The following LRBA variants were observed in gnomAD, a reference collection of about 807,000 sequenced individuals.
LRBA encodes the protein lipopolysaccharide-responsive and beige-like anchor protein.
Under a neutral mutation model 330.0 loss-of-function variants are expected in LRBA, and 176 were observed. The ratio of observed to expected loss-of-function variants is 0.53; its 90% confidence interval spans 0.47 to 0.60. The LOEUF (loss-of-function observed/expected upper bound fraction) is 0.60. Ranked by LOEUF, LRBA falls within the 20% of genes least tolerant of loss-of-function variation. The pLI is 0.00. For missense variants in LRBA, 3,259 were observed against 3,444.8 expected, an observed-to-expected ratio of 0.95 and a Z score of 1.35; for synonymous variants, 1,230 against 1,193.0, an observed-to-expected ratio of 1.03 and a Z score of -0.64.
chr4:150,468,431 C>T (rs1290159233), intron 43 of LRBA, among the ~76,000 whole-genome samples: 2 of 152,030 alleles, frequency 1.3e-5, no homozygotes, highest in Non-Finnish European at 2.9e-5. Context: ...TTTCTAATGA[C>T]ATTTTCAATG....
chr4:150,848,941 A>G lies in LRBA; in HGVS notation c.4216T>C (p.Phe1406Leu). The G allele has an allele frequency of 6.2e-7, 1 of 1,612,068 alleles. No individual in the cohort carries two copies. Among genetic ancestry groups the G allele is most frequent in the South Asian group, 1.1e-5 (1 of 90,772 alleles). ...ACAAGGCTAATTAGCCTCTGCAAAA[A>G]TGTCACAGAGGCTTCTATTGAAAGG... The part of the protein sequence containing the change: ...QGLSIEASVT[F>L]LQRLISLVDV... Residue 1406 changes from phenylalanine (F) to leucine (L), a missense_variant, in exon 26 of 57, where the codon TTT becomes CTT. Coordinates refer to ENST00000651943, the MANE Select transcript of LRBA (RefSeq NM_001364905.1).
At chr4:150,307,529 G>A (rs1580966797) in intron 52 of LRBA, among the ~76,000 whole-genome samples, 1 of 151,628 alleles carries the variant, frequency 6.6e-6, no homozygotes, top group East Asian at 1.9e-4. Context: ...AGACCACCCT[G>A]GACAACAGAG....
Position 150,852,033 on chromosome 4 carries a change from T to G in LRBA, c.3677A>C (p.Asn1226Thr). ...TNLTRETKLI[N>T]DCHGSVSEAS... ...CTCAGAGACACTACCATGACAATCA[T>G]TAATTAATTTGGTTTCTCTAGTGAG... Residue 1226 changes from asparagine to threonine, a missense_variant, in exon 23 of 57, where the codon AAT becomes ACT. Asn to Thr is a moderately conservative substitution (Grantham distance 65). Coordinates refer to ENST00000651943, the MANE Select transcript of LRBA (RefSeq NM_001364905.1). The G allele has an allele frequency of 6.2e-7, 1 of 1,614,132 alleles. No homozygotes were observed. The highest frequency in any genetic ancestry group is 8.5e-7 in the Non-Finnish European group (1 of 1,179,964).
chr4:150,712,886 C>T (rs1786369682), intron 36 of LRBA, among the ~76,000 whole-genome samples: 1 of 152,126 alleles, frequency 6.6e-6, no homozygotes, highest in South Asian at 2.1e-4. Context: ...CAAAAACACA[C>T]AGAAACATTA....
chr4:150,557,378 C>T (rs1304374694), intron 40 of LRBA, among the ~76,000 whole-genome samples: 4 of 151,884 alleles, frequency 2.6e-5, no homozygotes, highest in South Asian at 2.1e-4. Flanking sequence ...GAAGAAGACG[C>T]GATATGGGAA....
At chr4:150,970,211 T>G (rs1307474882) in intron 2 of LRBA, among the ~76,000 whole-genome samples, 1 of 151,956 alleles carries the variant, frequency 6.6e-6, no homozygotes, top group Non-Finnish European at 1.5e-5. Context: ...CTTAACAGAC[T>G]AAAGTAGGCT....
intron 36 of LRBA, among the ~76,000 whole-genome samples, chr4:150,710,467 A>C (rs916008098): frequency 6.6e-6 from 1 of 152,094 alleles, no homozygotes; most frequent in African/African-American, 2.4e-5. Context: ...AAAATCAGAA[A>C]GTTTTAGATA....
chr4:150,338,511 G>C (rs58138000), intron 48 of LRBA, among the ~76,000 whole-genome samples: 30,834 of 151,982 alleles, frequency 0.2, 3,290 homozygotes, highest in East Asian at 0.26. Flanking sequence ...AGCCTTTGAA[G>C]CCCCACCCCT....
chr4:150,298,576 G>C (rs1339718343), intron 53 of LRBA, among the ~76,000 whole-genome samples: 1 of 151,958 alleles, frequency 6.6e-6, no homozygotes, highest in African/African-American at 2.4e-5. Context: ...ACAGCTCTGT[G>C]GTCTGTTAGT....
chr4:150,644,256 A>AT (rs1778934734), intron 37 of LRBA, among the ~76,000 whole-genome samples: 1 of 151,972 alleles, frequency 6.6e-6, no homozygotes, highest in South Asian at 2.1e-4. Context: ...CAAAGCACTC[A>AT]TTATAATATT....
chr4:150,798,239 G>T, intron 33 of LRBA, 97 bp from the exon 34 acceptor site: 2 of 804,512 alleles, frequency 2.5e-6, no homozygotes, highest in Non-Finnish European at 4.3e-6. Flanking sequence ...TATTTTTTCA[G>T]ACTATTAATA....
chr4:150,809,862 TACGATACGATAC>T (rs2126731137), intron 31 of LRBA, among the ~76,000 whole-genome samples: 1 of 40,088 alleles, frequency 2.5e-5, no homozygotes, highest in African/African-American at 1.0e-4. Flanking sequence ...TACGATACGA[TACGATACGATAC>T]GATACGATAC....
intron 40 of LRBA, among the ~76,000 whole-genome samples, chr4:150,561,873 A>C (rs1768388559): frequency 6.6e-6 from 1 of 152,204 alleles, no homozygotes; most frequent in African/African-American, 2.4e-5. Context: ...TTCCTGTACT[A>C]AACAACACCC....
chr4:150,281,106 A>G (rs1000214472), intron 55 of LRBA, among the ~76,000 whole-genome samples: 2 of 152,240 alleles, frequency 1.3e-5, no homozygotes, highest in African/African-American at 4.8e-5. Context: ...GAAATGCCAC[A>G]GAAATTGCTT....
At chr4:150,280,254 C>T (rs1216604408) in intron 55 of LRBA, among the ~76,000 whole-genome samples, 1 of 152,182 alleles carries the variant, frequency 6.6e-6, no homozygotes, top group Non-Finnish European at 1.5e-5. Context: ...TGGGTTGTGA[C>T]TAGAGGTTTT....
intron 35 of LRBA, among the ~76,000 whole-genome samples, chr4:150,751,162 C>T (rs1329358936): frequency 4.6e-5 from 7 of 151,950 alleles, no homozygotes; most frequent in African/African-American, 1.7e-4. Context: ...CTGGATAATA[C>T]AAAATGATTA....
rs367766442 is a variant in LRBA at position 150,549,225 on chromosome 4, A to C, written c.6330+38823T>G. ...AATATAACTAAAATTTTAATGTTTC[A>C]TATGACATTTTTTAGTTCGTACTGA... On this transcript the variant is annotated intron_variant, in intron 40 of 56. Coordinates refer to ENST00000651943, the MANE Select transcript of LRBA (RefSeq NM_001364905.1). Among the ~76,000 whole-genome samples the C allele has an allele frequency of 2.0e-4, 30 of 152,098 alleles. No homozygotes were observed. The East Asian group carries it at 4.6e-3, about 23-fold the overall frequency.
chr4:150,724,051 C>G (rs1006210068), intron 36 of LRBA, among the ~76,000 whole-genome samples: 3 of 152,182 alleles, frequency 2.0e-5, no homozygotes, highest in Admixed American at 6.5e-5. Context: ...AATAGAATAT[C>G]AGGAAAATTG....
chr4:150,932,452 C>G (rs1177966744), intron 2 of LRBA, among the ~76,000 whole-genome samples: 1 of 151,112 alleles, frequency 6.6e-6, no homozygotes. Flanking sequence ...ACTTTGCTTA[C>G]AAAATGAATA....
Sources: allele counts gnomAD v4.1 joint callset (sites outside exome capture counted in the v4.1 genomes callset), GRCh38; gene constraint gnomAD v4.1.1; transcripts MANE v1.5; gene names NCBI Gene and HGNC (gene_info 2026-07-23, HGNC 2026-07-21).